The following NRXN3 variants were observed in gnomAD, a reference collection of about 807,000 sequenced individuals.
NRXN3 encodes the protein neurexin 3.
A neutral mutation model predicts 137.6 loss-of-function variants in NRXN3; 32 were observed. The observed-to-expected ratio is 0.23, with a 90% CI of 0.18 to 0.31. The LOEUF (loss-of-function observed/expected upper bound fraction) is 0.31. Among genes scored for constraint, NRXN3 ranks in the 10% least tolerant of loss-of-function variants. The pLI, the probability that NRXN3 is intolerant of heterozygous loss-of-function variation, is 1.00. For synonymous variants in NRXN3, 798 were observed against 784.5 expected (o/e 1.02, Z -0.29); for missense variants, 1,574 against 2,062.5 (o/e 0.76, Z 4.59).
intron 18 of NRXN3, among the ~76,000 whole-genome samples, chr14:79,694,174 C>G (rs1253396363): frequency 6.6e-6 from 1 of 151,950 alleles, no homozygotes; most frequent in East Asian, 1.9e-4. Flanking sequence ...CTGGCTCTGT[C>G]TACTATTGAC....
At chr14:78,930,727 A>G (rs1005076145) in intron 10 of NRXN3, among the ~76,000 whole-genome samples, 1 of 152,236 alleles carries the variant, frequency 6.6e-6, no homozygotes, top group Admixed American at 6.5e-5. Context: ...GTGGGGAGCC[A>G]GCATTTGAAT....
intron 19 of NRXN3, among the ~76,000 whole-genome samples, chr14:79,745,865 C>T (rs780114199): frequency 2.6e-5 from 4 of 152,076 alleles, no homozygotes; most frequent in Non-Finnish European, 5.9e-5. Context: ...CTCTTTCTTC[C>T]TCATCACATG....
Position 79,056,969 on chromosome 14 carries a change from G to T in NRXN3, c.3262+68828G>T, listed in dbSNP as rs551181242. On this transcript the variant is annotated intron_variant, in intron 15 of 20. Coordinates refer to ENST00000335750, the MANE Select transcript of NRXN3 (RefSeq NM_001330195.2). ...CTTCTAGTTAATATGATATCTCACA[G>T]CATGTCCTTGATCTAACTATAGCCC... 2.0e-5 allele frequency among the ~76,000 whole-genome samples: 3 copies of T among 152,314 alleles called. No homozygotes were observed. The East Asian group carries it at 5.8e-4, about 29-fold the overall frequency.
chr14:78,730,916 G>A (rs367682411), intron 8 of NRXN3, among the ~76,000 whole-genome samples: 28 of 152,286 alleles, frequency 1.8e-4, no homozygotes, highest in South Asian at 1.0e-3. Context: ...TGGTGGTGGC[G>A]TGATGGTCAA....
At chr14:78,970,959 T>C (rs1188404132) in intron 14 of NRXN3, among the ~76,000 whole-genome samples, 1 of 152,064 alleles carries the variant, frequency 6.6e-6, no homozygotes, top group East Asian at 1.9e-4. Context: ...TGGGATGAAG[T>C]GGAGGGTGAG....
chr14:79,498,158 T>A (rs901065327), intron 16 of NRXN3, among the ~76,000 whole-genome samples: 10 of 152,202 alleles, frequency 6.6e-5, no homozygotes, highest in African/African-American at 2.4e-4. Context: ...TTTCCTATAA[T>A]GAGCATGCGT....
chr14:78,757,702 G>T (rs2098675383), intron 8 of NRXN3, among the ~76,000 whole-genome samples: 1 of 152,166 alleles, frequency 6.6e-6, no homozygotes, highest in Non-Finnish European at 1.5e-5. Context: ...AACAAGACAT[G>T]AGTGGAAAAA....
At chr14:79,759,386 C>G (rs984960524) in intron 19 of NRXN3, among the ~76,000 whole-genome samples, 3 of 151,212 alleles carry the variant, frequency 2.0e-5, no homozygotes, top group Non-Finnish European at 2.9e-5. Context: ...AAAAAAAGCC[C>G]AATGAAATGT....
chr14:78,364,244 G>A (rs1308918320), intron 4 of NRXN3, among the ~76,000 whole-genome samples: 6 of 152,214 alleles, frequency 3.9e-5, no homozygotes, highest in Non-Finnish European at 5.9e-5. Flanking sequence ...ATGTAAAGAA[G>A]TAGAACTCTG....
chr14:79,706,487 C>G (rs1274691632), intron 19 of NRXN3, among the ~76,000 whole-genome samples: 3 of 148,352 alleles, frequency 2.0e-5, no homozygotes, highest in African/African-American at 7.5e-5. Flanking sequence ...ATAAACTGGC[C>G]ATAAAAATAT....
Position 78,709,359 on chromosome 14 carries a change from A to G in NRXN3, c.1364A>G (p.Glu455Gly). The G allele has an allele frequency of 2.5e-6, 4 of 1,614,174 alleles. No individual in the cohort carries two copies. Among genetic ancestry groups the G allele is most frequent in the Non-Finnish European group, 2.5e-6 (3 of 1,180,014 alleles). Reference sequence around the variant, plus strand: ...GACCCCATCAACTTTGAGACCCCAGAGGCTTACATCAGCTTGCCCAAGTGG... The same window carrying G: ...GACCCCATCAACTTTGAGACCCCAGGGGCTTACATCAGCTTGCCCAAGTGG... ...TLDPINFETP[E>G]AYISLPKWNT... Residue 455 changes from glutamate to glycine, a missense_variant, in exon 7 of 21, where the codon GAG (glutamate) becomes GGG (glycine). Physicochemically the swap from Glu to Gly is moderately conservative, Grantham distance 98. This residue lies in a region of NRXN3 where 718 missense variants were observed against 887.6 expected (regional missense o/e 0.81). Transcript: ENST00000335750.
At chr14:79,807,509 C>T (rs1477413926) in intron 20 of NRXN3, among the ~76,000 whole-genome samples, 12 of 152,128 alleles carry the variant, frequency 7.9e-5, no homozygotes, top group African/African-American at 1.7e-4. Flanking sequence ...ACTTGAATAG[C>T]GTAAACCTGA....
At chr14:79,277,036 A>T (rs2080393511) in intron 15 of NRXN3, among the ~76,000 whole-genome samples, 1 of 152,162 alleles carries the variant, frequency 6.6e-6, no homozygotes, top group Admixed American at 6.5e-5. Context: ...ATAATTTCAG[A>T]CACTGGAGAG....
chr14:78,993,269 A>G (rs1342755077), intron 15 of NRXN3, among the ~76,000 whole-genome samples: 1 of 152,110 alleles, frequency 6.6e-6, no homozygotes, highest in East Asian at 1.9e-4. Flanking sequence ...TTTCCCATTC[A>G]AGCTTCAGAA....
chr14:79,007,805 C>CAAAAAAAAAAAAAAA (rs1160867331), intron 15 of NRXN3, among the ~76,000 whole-genome samples: 1 of 37,992 alleles, frequency 2.6e-5, no homozygotes, highest in East Asian at 8.8e-4. Flanking sequence ...GACTCCATCT[C>CAAAAAAAAAAAAAAA]AAAAAAAAAA....
chr14:79,381,753 T>C (rs1044488200), intron 15 of NRXN3, among the ~76,000 whole-genome samples: 3 of 152,150 alleles, frequency 2.0e-5, no homozygotes, highest in Non-Finnish European at 4.4e-5. Flanking sequence ...TTCCATAACA[T>C]TGATCACAAT....
chr14:79,214,549 T>C (rs1486436962), intron 15 of NRXN3, among the ~76,000 whole-genome samples: 1 of 152,226 alleles, frequency 6.6e-6, no homozygotes, highest in Non-Finnish European at 1.5e-5. Context: ...TCACTCTATA[T>C]TATATGTATC....
At chr14:78,788,571 C>T (rs2098796107) in intron 8 of NRXN3, among the ~76,000 whole-genome samples, 2 of 152,118 alleles carry the variant, frequency 1.3e-5, no homozygotes, top group South Asian at 2.1e-4. Context: ...TGTCTGTTGA[C>T]CTCAAGGTCT....
intron 6 of NRXN3, among the ~76,000 whole-genome samples, chr14:78,672,917 T>A (rs938612973): frequency 6.6e-6 from 1 of 152,194 alleles, no homozygotes; most frequent in African/African-American, 2.4e-5. Flanking sequence ...GACTACTCTG[T>A]GATTTTTGCT....
Sources: allele counts gnomAD v4.1 joint callset (sites outside exome capture counted in the v4.1 genomes callset), GRCh38; gene constraint gnomAD v4.1.1; regional missense constraint gnomAD v4.1.1; transcripts MANE v1.5; gene names NCBI Gene and HGNC (gene_info 2026-07-23, HGNC 2026-07-21).